DNAH14: variants seen among roughly 807,000 people sequenced by gnomAD.
DNAH14 encodes dynein axonemal heavy chain 14, also known as axonemal beta dynein heavy chain 14.
A neutral mutation model predicts 520.9 loss-of-function variants in DNAH14; 478 were observed. That is an observed-to-expected ratio of 0.92 (90% CI 0.85 to 0.99). The LOEUF (loss-of-function observed/expected upper bound fraction) is 0.99, where lower values mean the gene tolerates loss of function less well. Ranked by LOEUF, DNAH14 falls within the 50% of genes least tolerant of loss-of-function variation. The pLI, the probability that DNAH14 is intolerant of heterozygous loss-of-function variation, is 0.00. For synonymous variants in DNAH14, 1,581 were observed against 1,757.2 expected, an observed-to-expected ratio of 0.90 and a Z score of 2.51; for missense variants, 4,831 against 5,234.5, an observed-to-expected ratio of 0.92 and a Z score of 2.38.
In DNAH14 at chr1:225,119,314, C is replaced by A. The variant is rs2077113529; in HGVS notation, c.4166+20C>A. ...AAAAAAGTAAGTACAATTTTCAAAT[C>A]CTAAAATTATATATTTTATATATAT... On this transcript the variant is annotated intron_variant, in intron 26 of 85. Coordinates refer to ENST00000682510, the MANE Select transcript of DNAH14 (RefSeq NM_001367479.1). 6.8e-7 allele frequency: 1 copy of A among 1,472,828 alleles called. No homozygotes were observed. Among genetic ancestry groups the A allele is most frequent in the Non-Finnish European group, 9.1e-7 (1 of 1,101,924 alleles). 91.2% of individuals were successfully genotyped at this position (1,472,828 alleles called of 1,614,324 possible). A position where few individuals can be genotyped will look rare whatever the true frequency, so the allele number is the denominator to read the frequency against.
intron 68 of DNAH14, among the ~76,000 whole-genome samples, chr1:225,340,042 T>C (rs3931304): frequency 0.49 from 73,437 of 150,798 alleles, 18,393 homozygotes; most frequent in African/African-American, 0.62. Context: ...TAGCTTTACT[T>C]CTAAAGCTAT....
intron 81 of DNAH14, among the ~76,000 whole-genome samples, chr1:225,387,918 G>A (rs1259457050): frequency 5.3e-5 from 8 of 152,102 alleles, no homozygotes; most frequent in Non-Finnish European, 1.5e-5. Context: ...GCTGGAGAAT[G>A]GAAAGCTGAA....
chr1:225,088,582 G>A (rs370398066), intron 21 of DNAH14, among the ~76,000 whole-genome samples: 7 of 152,274 alleles, frequency 4.6e-5, no homozygotes, highest in African/African-American at 1.4e-4. Context: ...AAGAGGAGGA[G>A]TGAGAGGGAG....
chr1:225,127,664 T>C (rs911503866), intron 27 of DNAH14, among the ~76,000 whole-genome samples: 25 of 152,310 alleles, frequency 1.6e-4, no homozygotes, highest in African/African-American at 5.5e-4. Context: ...CTTTATCCAA[T>C]TTGCCAGTCT....
At chr1:224,971,190 A>T (rs1454154664) in intron 7 of DNAH14, among the ~76,000 whole-genome samples, 2 of 152,080 alleles carry the variant, frequency 1.3e-5, no homozygotes, top group South Asian at 4.1e-4. Flanking sequence ...GTAGTTCCAG[A>T]TTGTTGTTCT....
intron 27 of DNAH14, among the ~76,000 whole-genome samples, chr1:225,133,195 TC>T (rs2078612561): frequency 6.6e-6 from 1 of 152,206 alleles, no homozygotes. Flanking sequence ...GATGATAGTT[TC>T]TTTTGCTGTG....
At chr1:225,372,465 A>G (rs1216013381) in intron 77 of DNAH14, among the ~76,000 whole-genome samples, 1 of 152,210 alleles carries the variant, frequency 6.6e-6, no homozygotes, top group Non-Finnish European at 1.5e-5. Context: ...TAATATTTCA[A>G]CTGAGGAAAA....
In DNAH14 at chr1:225,185,494, GTTCTCTTTA is replaced by G; in HGVS notation, c.5670+71_5670+79del. Reference sequence around the variant, plus strand: ...CTTATTTTACACTTTAATATTTTATGTTCTCTTTATATTGGTATTTTCATTACTTATTAA... The same window carrying G: ...CTTATTTTACACTTTAATATTTTATGTATTGGTATTTTCATTACTTATTAA... On this transcript the variant is annotated intron_variant, in intron 37 of 85. Transcript: ENST00000682510. 5 of 1,401,086 alleles carry G rather than the reference GTTCTCTTTA, an allele frequency of 3.6e-6. No individual in the cohort carries two copies. In the South Asian group the frequency reaches 8.0e-5, roughly 22 times the overall value. 86.8% of individuals were successfully genotyped at this position (1,401,086 alleles called of 1,614,324 possible). A position where few individuals can be genotyped will look rare whatever the true frequency, so the allele number is the denominator to read the frequency against.
chr1:225,274,237 TTCTGTCGCCCAGGCGGGAGTGC>T (rs2093404006), intron 52 of DNAH14, among the ~76,000 whole-genome samples: 1 of 137,100 alleles, frequency 7.3e-6, no homozygotes, highest in African/African-American at 2.7e-5. Flanking sequence ...CGGAGTCTCG[TTCTGTCGCCCAGGCGGGAGTGC>T]TGTGGCGCGA....
intron 38 of DNAH14, among the ~76,000 whole-genome samples, chr1:225,201,341 A>C (rs1471310296): frequency 6.6e-6 from 1 of 152,118 alleles, no homozygotes; most frequent in East Asian, 1.9e-4. Context: ...CTAAACAACT[A>C]ACCTTCTGAA....
In DNAH14 at chr1:225,259,176, G is replaced by A; in HGVS notation, c.7080G>A (p.Glu2360=). Residue 2360 remains glutamate (E), a synonymous_variant, in exon 46 of 86, where the codon GAG becomes GAA. Transcript: ENST00000682510. ...TTAATCAAATGCTTGAAAAGCTAGAGGGTCCAGGAGCATTTGACATAAAAC... is the reference window on the plus strand; with the variant it reads ...TTAATCAAATGCTTGAAAAGCTAGAAGGTCCAGGAGCATTTGACATAAAAC... ...AAINQMLEKL[E]GPGAFDIKHG... 6.5e-7 allele frequency: 1 copy of A among 1,545,622 alleles called. No individual in the cohort carries two copies. Among genetic ancestry groups the A allele is most frequent in the Non-Finnish European group, 8.7e-7 (1 of 1,144,894 alleles).
chr1:225,338,565 A>G (rs2095111012), intron 68 of DNAH14, among the ~76,000 whole-genome samples: 1 of 152,178 alleles, frequency 6.6e-6, no homozygotes, highest in African/African-American at 2.4e-5. Flanking sequence ...CAAAATCCAT[A>G]TTTAATATCT....
intron 11 of DNAH14, among the ~76,000 whole-genome samples, chr1:225,026,320 A>G (rs2066119054): frequency 6.6e-6 from 1 of 152,026 alleles, no homozygotes; most frequent in Non-Finnish European, 1.5e-5. Flanking sequence ...AGTGTATCTA[A>G]GAAATCATTG....
intron 57 of DNAH14, among the ~76,000 whole-genome samples, 158 bp downstream of exon 57, chr1:225,303,505 C>T (rs1369922366): frequency 2.0e-5 from 3 of 152,238 alleles, no homozygotes; most frequent in East Asian, 3.9e-4. Context: ...CCTATTAATT[C>T]CCCATCTGTT....
intron 7 of DNAH14, among the ~76,000 whole-genome samples, chr1:224,973,153 A>G (rs1440865663): frequency 6.6e-6 from 1 of 152,230 alleles, no homozygotes; most frequent in Non-Finnish European, 1.5e-5. Flanking sequence ...CTGATTTCCA[A>G]GGCCTCAGGT....
intron 75 of DNAH14, among the ~76,000 whole-genome samples, chr1:225,362,571 T>G (rs1298718888): frequency 9.7e-6 from 1 of 102,892 alleles, no homozygotes; most frequent in South Asian, 3.5e-4. Flanking sequence ...GAAGACTCAG[T>G]CTCAAAAAAA....
Position 225,020,496 on chromosome 1 carries a change from C to CAAAAAA in DNAH14, c.1108-3104_1108-3099dup, listed in dbSNP as rs57945282. 6.8e-4 allele frequency among the ~76,000 whole-genome samples: 39 copies of CAAAAAA among 57,448 alleles called. 1 individual carries two copies. The highest frequency in any genetic ancestry group is 0.024 in the Middle Eastern group (1 of 42). The allele number at this position is 57,448 out of a possible 152,430, so 37.7% of individuals were successfully genotyped here. On this transcript the variant is annotated intron_variant, in intron 10 of 85. Coordinates refer to ENST00000682510, the MANE Select transcript of DNAH14 (RefSeq NM_001367479.1). ...TGGGTGACAGAGCAAGGCTCTGTCT[C>CAAAAAA]AAAAAAAAAAAAAAAAAAAACAACT... is the stretch of plus-strand genomic sequence containing the variant.
At chr1:225,341,276 C>T (rs1274818556) in intron 69 of DNAH14, among the ~76,000 whole-genome samples, 1 of 151,974 alleles carries the variant, frequency 6.6e-6, no homozygotes, top group African/African-American at 2.4e-5. Flanking sequence ...GACTTAATAA[C>T]TAAAAGATAT....
intron 11 of DNAH14, among the ~76,000 whole-genome samples, chr1:225,035,055 T>TC (rs1255798691): frequency 6.6e-6 from 1 of 151,458 alleles, no homozygotes; most frequent in Non-Finnish European, 1.5e-5. Context: ...TTAAAATGTT[T>TC]TTTTTGTGTG....
Sources: gnomAD v4.1 joint callset for allele counts (sites outside exome capture counted in the v4.1 genomes callset) on GRCh38, gnomAD v4.1.1 for gene constraint, MANE v1.5 for transcripts, NCBI Gene and HGNC (gene_info 2026-07-23, HGNC 2026-07-21) for gene names.